The following PDE8B variants were observed in gnomAD, a reference collection of about 807,000 sequenced individuals.
PDE8B encodes the protein phosphodiesterase 8B, also known as high affinity cAMP-specific and IBMX-insensitive 3',5'-cyclic phosphodiesterase 8B.
A neutral mutation model predicts 101.3 loss-of-function variants in PDE8B; 26 were observed. The observed-to-expected ratio is 0.26, with a 90% CI of 0.19 to 0.36. PDE8B has a LOEUF of 0.36. Among genes scored for constraint, PDE8B ranks in the 10% least tolerant of loss-of-function variants. The pLI is 1.00. For synonymous variants in PDE8B, 424 were observed against 429.3 expected, an observed-to-expected ratio of 0.99 and a Z score of 0.15; for missense variants, 810 against 1,163.1, an observed-to-expected ratio of 0.70 and a Z score of 4.42.
intron 21 of PDE8B, 69 bp downstream of exon 21, chr5:77,425,965 C>A: frequency 6.9e-7 from 1 of 1,456,296 alleles, no homozygotes; most frequent in Non-Finnish European, 9.6e-7. Context: ...TTTAGTGACA[C>A]AGGGTGAGCC....
the PDE8B span, among the ~76,000 whole-genome samples, chr5:77,182,856 T>G: frequency 1.3e-5 from 2 of 151,980 alleles, no homozygotes; most frequent in Non-Finnish European, 2.9e-5. Flanking sequence ...TTTGCTTTTT[T>G]GATAACACTG....
the PDE8B span, among the ~76,000 whole-genome samples, chr5:77,185,570 G>A: frequency 4.6e-5 from 7 of 152,102 alleles, no homozygotes; most frequent in African/African-American, 1.7e-4. Flanking sequence ...CCTAAGAATT[G>A]TGTTGAACAC....
At chr5:77,287,358 T>C (rs943955973) in intron 1 of PDE8B, among the ~76,000 whole-genome samples, 2 of 152,112 alleles carry the variant, frequency 1.3e-5, no homozygotes, top group Admixed American at 6.5e-5. Flanking sequence ...TTTCTGTTTT[T>C]CCTTGGCTAT....
At chr5:77,138,363 A>T in the PDE8B span, among the ~76,000 whole-genome samples, 2 of 152,090 alleles carry the variant, frequency 1.3e-5, no homozygotes, top group Non-Finnish European at 2.9e-5. Flanking sequence ...CTTGTCCCTC[A>T]GGGTGGTTTT....
At chr5:77,203,609 A>C in the PDE8B span, among the ~76,000 whole-genome samples, 1 of 152,160 alleles carries the variant, frequency 6.6e-6, no homozygotes, top group Non-Finnish European at 1.5e-5. Flanking sequence ...GAAAACTTTC[A>C]TTGTCCTACC....
intron 10 of PDE8B, among the ~76,000 whole-genome samples, chr5:77,390,318 T>C (rs185612472): frequency 6.6e-6 from 1 of 152,152 alleles, no homozygotes; most frequent in African/African-American, 2.4e-5. Context: ...TAATTAAGGG[T>C]TTGAAATTAT....
chr5:77,349,166 C>T (rs1255071658), intron 7 of PDE8B, among the ~76,000 whole-genome samples: 1 of 152,072 alleles, frequency 6.6e-6, no homozygotes, highest in Non-Finnish European at 1.5e-5. Flanking sequence ...CTTCTGATAT[C>T]CTACAGGGGA....
chr5:77,109,461 G>A, the PDE8B span, among the ~76,000 whole-genome samples: 1 of 152,326 alleles, frequency 6.6e-6, no homozygotes, highest in Admixed American at 6.5e-5. Context: ...TGGGCTTACT[G>A]TCACTGGCTG....
chr5:77,096,134 C>T, the PDE8B span, among the ~76,000 whole-genome samples: 10 of 152,056 alleles, frequency 6.6e-5, no homozygotes, highest in Middle Eastern at 3.2e-3. Context: ...GGACTACAGG[C>T]GCACGCTACC....
rs75942589 is a variant in PDE8B at position 77,285,916 on chromosome 5, G to A, written c.340-26078G>A. Reference sequence around the variant, plus strand: ...TTATTTCCAATATTGTATTTTTTCAGTTCTAAAATTCTCATTTGTTCTTAC... The same window carrying A: ...TTATTTCCAATATTGTATTTTTTCAATTCTAAAATTCTCATTTGTTCTTAC... On this transcript the variant is annotated intron_variant, in intron 1 of 21. Transcript: ENST00000264917. Among the ~76,000 whole-genome samples, 839 of 151,992 alleles carry A rather than the reference G, an allele frequency of 5.5e-3. 10 individuals carry two copies. Among genetic ancestry groups the A allele is most frequent in the African/African-American group, 0.019 (803 of 41,466 alleles).
At chr5:77,231,169 A>T (rs1208823217) in intron 1 of PDE8B, among the ~76,000 whole-genome samples, 1 of 152,136 alleles carries the variant, frequency 6.6e-6, no homozygotes, top group Non-Finnish European at 1.5e-5. Context: ...CCAAATGGTG[A>T]CTGAAACAAA....
intron 10 of PDE8B, among the ~76,000 whole-genome samples, chr5:77,354,405 A>C (rs569222755): frequency 6.6e-6 from 1 of 152,364 alleles, no homozygotes; most frequent in Admixed American, 6.5e-5. Context: ...TTTTCACATA[A>C]TACCATGAAG....
chr5:77,127,900 G>T, the PDE8B span, among the ~76,000 whole-genome samples: 3 of 152,196 alleles, frequency 2.0e-5, no homozygotes, highest in Admixed American at 6.5e-5. Flanking sequence ...TAGGAGATCT[G>T]TGAAGGCTTG....
At chr5:77,337,062 A>G (rs1349135888) in intron 5 of PDE8B, among the ~76,000 whole-genome samples, 165 bp from the exon 6 acceptor site, 1 of 152,202 alleles carries the variant, frequency 6.6e-6, no homozygotes, top group Non-Finnish European at 1.5e-5. Flanking sequence ...CATACATTTA[A>G]ACAAGCACTT....
At chr5:77,173,153 G>A in the PDE8B span, among the ~76,000 whole-genome samples, 1 of 152,212 alleles carries the variant, frequency 6.6e-6, no homozygotes, top group Admixed American at 6.5e-5. Flanking sequence ...CAAAGTGGGT[G>A]TCTGGGTTGG....
the PDE8B span, among the ~76,000 whole-genome samples, chr5:77,202,071 C>T: frequency 6.6e-6 from 1 of 152,144 alleles, no homozygotes; most frequent in Non-Finnish European, 1.5e-5. Flanking sequence ...CTTATGACCT[C>T]GTAACCTTAG....
At chr5:77,369,468 G>T (rs752725877) in intron 10 of PDE8B, among the ~76,000 whole-genome samples, 5 of 152,120 alleles carry the variant, frequency 3.3e-5, no homozygotes, top group African/African-American at 1.2e-4. Flanking sequence ...AAGAGCCAAC[G>T]TCTGGCTAGA....
Position 77,426,611 on chromosome 5 carries a change from C to A in PDE8B, c.*57C>A. 1.1e-6 allele frequency: 1 copy of A among 884,544 alleles called. No individual in the cohort carries two copies. Among genetic ancestry groups the A allele is most frequent in the Non-Finnish European group, 1.9e-6 (1 of 521,942 alleles). 54.8% of individuals were successfully genotyped at this position (884,544 alleles called of 1,614,324 possible). A position where few individuals can be genotyped will look rare whatever the true frequency, so the allele number is the denominator to read the frequency against. ...CAAAGGACACTGTGAATCACAGTAG[C>A]GTAAACGAGAGGCCTTCCTTTCTAA... On this transcript the variant is annotated 3_prime_UTR_variant, in exon 22 of 22. Coordinates refer to ENST00000264917, the MANE Select transcript of PDE8B (RefSeq NM_003719.5).
chr5:77,331,311 C>T, intron 4 of PDE8B, 91 bp from the exon 5 acceptor site: 3 of 1,128,478 alleles, frequency 2.7e-6, no homozygotes, highest in Non-Finnish European at 4.1e-6. Context: ...GGAGCTAACG[C>T]TGTGTGGCCT....
Sources: allele counts gnomAD v4.1 joint callset (sites outside exome capture counted in the v4.1 genomes callset), GRCh38; gene constraint gnomAD v4.1.1; transcripts MANE v1.5; gene names NCBI Gene and HGNC (gene_info 2026-07-23, HGNC 2026-07-21).